Variants in CNN3 observed in about 807,000 individuals in gnomAD.
The protein encoded by CNN3 is calponin 3.
A neutral mutation model predicts 39.0 loss-of-function variants in CNN3; 11 were observed. The ratio of observed to expected loss-of-function variants is 0.28; its 90% confidence interval spans 0.18 to 0.47. The LOEUF is 0.47. Among genes scored for constraint, CNN3 ranks in the 20% least tolerant of loss-of-function variants. CNN3 has a pLI of 0.99. For synonymous variants in CNN3, 101 were observed against 138.3 expected (o/e 0.73, Z 1.89); for missense variants, 266 against 403.4 (o/e 0.66, Z 2.92).
intron 6 of CNN3, 84 bp from the exon 7 acceptor site, chr1:94,898,167 T>G (rs1670772747): frequency 7.4e-7 from 1 of 1,343,182 alleles, no homozygotes; most frequent in South Asian, 1.4e-5. Flanking sequence ...GAATTCACAT[T>G]GAATATGAAC....
At chr1:94,918,500 AATAAAAT>A (rs1340401790) in intron 1 of CNN3, among the ~76,000 whole-genome samples, 4 of 23,492 alleles carry the variant, frequency 1.7e-4, no homozygotes, top group East Asian at 1.2e-3. Context: ...TCCCAAAAAA[AATAAAAT>A]AAAAAAAAAA....
intron 1 of CNN3, among the ~76,000 whole-genome samples, chr1:94,913,649 C>A (rs558561689): frequency 5.9e-5 from 9 of 152,224 alleles, no homozygotes; most frequent in African/African-American, 2.2e-4. Context: ...CCATATATAG[C>A]CTATTATGAG....
intron 1 of CNN3, among the ~76,000 whole-genome samples, chr1:94,905,457 G>A (rs540940300): frequency 3.4e-4 from 51 of 152,088 alleles, no homozygotes; most frequent in African/African-American, 1.2e-3. Context: ...TCCCCTCCCC[G>A]CCACGCCAAG....
At chr1:94,902,312 T>C in intron 3 of CNN3, 54 bp from the exon 4 acceptor site, 1 of 1,498,658 alleles carries the variant, frequency 6.7e-7, no homozygotes. Flanking sequence ...ACATTCATAA[T>C]TTCTAAGAAT....
intron 1 of CNN3, among the ~76,000 whole-genome samples, chr1:94,925,076 G>A (rs146531405): frequency 6.6e-6 from 1 of 152,278 alleles, no homozygotes; most frequent in African/African-American, 2.4e-5. Context: ...TATTAAGCAG[G>A]AAAAGGGCAA....
intron 1 of CNN3, chr1:94,925,880 C>T (rs572477449): frequency 1.4e-5 from 13 of 932,412 alleles, no homozygotes; most frequent in African/African-American, 1.8e-5. Context: ...GTCTCTCCCC[C>T]CAGAAACCCC....
chr1:94,925,203 G>A (rs1571540358), intron 1 of CNN3, among the ~76,000 whole-genome samples: 1 of 152,300 alleles, frequency 6.6e-6, no homozygotes, highest in African/African-American at 2.4e-5. Flanking sequence ...AATGCAAAAG[G>A]TAGTAGAGAC....
intron 3 of CNN3, among the ~76,000 whole-genome samples, chr1:94,902,603 A>C (rs1670897203): frequency 6.6e-6 from 1 of 152,222 alleles, no homozygotes; most frequent in Non-Finnish European, 1.5e-5. Flanking sequence ...ACTCATACTA[A>C]TAAATAATTC....
intron 1 of CNN3, among the ~76,000 whole-genome samples, chr1:94,923,973 C>T (rs1013214603): frequency 6.6e-6 from 1 of 152,072 alleles, no homozygotes; most frequent in Non-Finnish European, 1.5e-5. Flanking sequence ...AGAACGGGGA[C>T]TAGAACTCAC....
chr1:94,918,157 C>T (rs1163193524), intron 1 of CNN3, among the ~76,000 whole-genome samples: 2 of 152,168 alleles, frequency 1.3e-5, no homozygotes, highest in African/African-American at 2.4e-5. Flanking sequence ...CCAATATCAT[C>T]GTATCAGACT....
intron 1 of CNN3, among the ~76,000 whole-genome samples, chr1:94,905,824 G>C (rs1571521049): frequency 6.6e-6 from 1 of 152,050 alleles, no homozygotes; most frequent in African/African-American, 2.4e-5. Context: ...GCCTCCCAAA[G>C]TGCTGAGATT....
intron 1 of CNN3, among the ~76,000 whole-genome samples, chr1:94,905,208 C>T (rs1224454963): frequency 6.6e-6 from 1 of 152,188 alleles, no homozygotes; most frequent in Non-Finnish European, 1.5e-5. Flanking sequence ...AAAACCAACG[C>T]TGAGTCTTAA....
chr1:94,903,058 A>T, intron 3 of CNN3, 64 bp downstream of exon 3: 1 of 1,292,232 alleles, frequency 7.7e-7, no homozygotes, highest in Non-Finnish European at 1.0e-6. Context: ...CCAAACCTGA[A>T]ATCAAGTTTT....
chr1:94,903,182 T>C lies in CNN3; in HGVS notation c.186A>G (p.Ile62Met), dbSNP rs150613685. Reference sequence around the variant, plus strand: ...TCACTGAGCCTGGCTGTAGCTTGTTTATAAGTCTGAAAAGAAAAATATGAG... The same window carrying C: ...TCACTGAGCCTGGCTGTAGCTTGTTCATAAGTCTGAAAAGAAAAATATGAG... ...LKDGIILCEL[I>M]NKLQPGSVKK... The change falls in exon 3 of 7, where the codon ATA (isoleucine) becomes ATG (methionine). Residue 62 changes from isoleucine (I) to methionine (M), a missense_variant. Transcript: ENST00000370206. 4 of 1,612,964 alleles carry C rather than the reference T, an allele frequency of 2.5e-6. No individual in the cohort carries two copies. The highest frequency in any genetic ancestry group is 3.4e-6 in the Non-Finnish European group (4 of 1,179,510).
intron 1 of CNN3, among the ~76,000 whole-genome samples, chr1:94,919,087 C>T (rs917157963): frequency 6.6e-6 from 1 of 152,070 alleles, no homozygotes; most frequent in African/African-American, 2.4e-5. Context: ...GATGAATAAA[C>T]CTTGAAATGA....
rs1045336720 is a variant in CNN3 at position 94,926,145 on chromosome 1, C to T, written c.57+693G>A. ...TGAAAGTCTAATGTACTTCAAACTT[C>T]TCAGTGTTTCATAAAAAGTCTCAAG... On this transcript the variant is annotated intron_variant, in intron 1 of 6. Coordinates refer to ENST00000370206, the MANE Select transcript of CNN3 (RefSeq NM_001839.5). The surrounding 1 kb of genome is among the most constrained non-coding windows in gnomAD (Gnocchi z 4.2). Among the ~76,000 whole-genome samples the T allele has an allele frequency of 6.6e-6, 1 of 152,246 alleles. No homozygotes were observed. Among genetic ancestry groups the T allele is most frequent in the Non-Finnish European group, 1.5e-5 (1 of 68,050 alleles).
intron 1 of CNN3, among the ~76,000 whole-genome samples, chr1:94,918,113 G>A (rs1671332092): frequency 6.6e-6 from 1 of 152,178 alleles, no homozygotes; most frequent in Non-Finnish European, 1.5e-5. Context: ...TTTAACTCAT[G>A]GAGATGTGAC....
intron 1 of CNN3, among the ~76,000 whole-genome samples, chr1:94,920,802 T>A (rs1469300457): frequency 2.0e-5 from 3 of 152,180 alleles, no homozygotes; most frequent in Non-Finnish European, 4.4e-5. Flanking sequence ...TAGGTTTTTG[T>A]AAAACTTAAA....
intron 1 of CNN3, among the ~76,000 whole-genome samples, chr1:94,913,375 A>G (rs1671210724): frequency 6.6e-6 from 1 of 152,220 alleles, no homozygotes; most frequent in Non-Finnish European, 1.5e-5. Context: ...GGAGAAGTCA[A>G]TTTGACAAAG....
Sources: gnomAD v4.1 joint callset for allele counts (sites outside exome capture counted in the v4.1 genomes callset) on GRCh38, gnomAD v4.1.1 for gene constraint, Gnocchi (gnomAD v3.1) non-coding constraint, MANE v1.5 for transcripts, NCBI Gene and HGNC (gene_info 2026-07-23, HGNC 2026-07-21) for gene names.